Variants in INAVA observed in about 807,000 individuals in gnomAD.
INAVA encodes innate immunity activator.
INAVA carries 32 observed loss-of-function variants against 55.3 expected under a neutral mutation model. That is an observed-to-expected ratio of 0.58 (90% CI 0.44 to 0.78). The LOEUF (loss-of-function observed/expected upper bound fraction) is 0.78. Ranked by LOEUF, INAVA falls within the 30% of genes least tolerant of loss-of-function variation. INAVA has a pLI of 0.00. For missense variants in INAVA, 756 were observed against 786.4 expected, an observed-to-expected ratio of 0.96 and a Z score of 0.46; for synonymous variants, 294 against 329.4, an observed-to-expected ratio of 0.89 and a Z score of 1.16.
rs747467473 is a variant in INAVA at position 200,902,233 on chromosome 1, A to G, written c.520+1074A>G. Among the ~76,000 whole-genome samples the G allele has an allele frequency of 3.7e-4, 56 of 152,214 alleles. 1 individual carries two copies. Among genetic ancestry groups the G allele is most frequent in the Non-Finnish European group, 1.9e-4 (13 of 68,030 alleles). ...CAAGACTACTCCTCAGCCTGGGAGC[A>G]GTCATGGGGAAGCTGGAAAGCCCTT... On this transcript the variant is annotated intron_variant, in intron 5 of 9. Coordinates refer to ENST00000413687, the MANE Select transcript of INAVA (RefSeq NM_001142569.3).
intron 6 of INAVA, 81 bp downstream of exon 6, chr1:200,907,968 G>A (rs1409492445): frequency 4.8e-6 from 6 of 1,244,580 alleles, no homozygotes; most frequent in Middle Eastern, 2.6e-4. Flanking sequence ...TTGCTGGTGT[G>A]GAATTTAAGT....
chr1:200,900,842 C>G, intron 4 of INAVA, 95 bp from the exon 5 acceptor site: 4 of 917,940 alleles, frequency 4.4e-6, no homozygotes, highest in Non-Finnish European at 4.9e-6. Flanking sequence ...GGGCTTAGGA[C>G]TGGGACCTAG....
In INAVA at chr1:200,899,568, G is replaced by C. The variant is rs749602492; in HGVS notation, c.151G>C (p.Glu51Gln). 1 of 1,613,222 alleles carries C rather than the reference G, an allele frequency of 6.2e-7. No homozygotes were observed. The highest frequency in any genetic ancestry group is 8.5e-7 in the Non-Finnish European group (1 of 1,179,788). ...LEARLEACLE[E>Q]LRRLCLREAE... The stretch of plus-strand genomic sequence containing the variant: ...AGCGAGGCTGGAGGCCTGCCTGGAG[G>C]AGCTGAGGAGACTCTGCCTTCGGGA... Residue 51 changes from glutamate to glutamine, a missense_variant, in exon 3 of 10, where the codon GAG becomes CAG. Physicochemically the swap from Glu to Gln is conservative, Grantham distance 29. This residue lies in a region of INAVA where 639 missense variants were observed against 624.3 expected (regional missense o/e 1.02). Transcript: ENST00000413687.
At chr1:200,903,998 A>G (rs1040742477) in intron 5 of INAVA, among the ~76,000 whole-genome samples, 3 of 152,168 alleles carry the variant, frequency 2.0e-5, no homozygotes, top group Middle Eastern at 3.4e-3. Flanking sequence ...GAACCGCATG[A>G]GGGCCACCCA....
chr1:200,900,833 G>C, intron 4 of INAVA, 104 bp from the exon 5 acceptor site: 1 of 825,790 alleles, frequency 1.2e-6, no homozygotes, highest in Non-Finnish European at 1.9e-6. Context: ...CTGTCCTCAG[G>C]GCTTAGGACT....
chr1:200,907,943 T>C (rs1653563527), intron 6 of INAVA, 56 bp downstream of exon 6: 1 of 1,469,950 alleles, frequency 6.8e-7, no homozygotes, highest in Non-Finnish European at 9.5e-7. Context: ...TGCAAGACCA[T>C]GGGGTTTGGG....
chr1:200,913,516 C>T (rs1199440457), intron 9 of INAVA, 21 bp from the exon 10 acceptor site: 8 of 1,609,544 alleles, frequency 5.0e-6, no homozygotes, highest in Admixed American at 1.7e-5. Flanking sequence ...CCCACCTGTC[C>T]TTTCTTCCTG....
At position 200,894,925 on chromosome 1, in the gene INAVA, A is replaced by G; in HGVS notation, c.-257A>G. 2 of 985,806 alleles carry G rather than the reference A, an allele frequency of 2.0e-6. No individual in the cohort carries two copies. Among genetic ancestry groups the G allele is most frequent in the Non-Finnish European group, 2.4e-6 (2 of 830,194 alleles). The allele number at this position is 985,806 out of a possible 1,614,324, so 61.1% of individuals were successfully genotyped here. On this transcript the variant is annotated 5_prime_UTR_variant, in exon 1 of 10. Transcript: ENST00000413687. ...GGCAGCCTGGGAGGGACGGCAAGGT[A>G]GGCAGGTGAGCCGAGACGGACGGAC... is the stretch of plus-strand genomic sequence containing the variant.
At chr1:200,892,193 C>T (rs539638538), upstream of INAVA, among the ~76,000 whole-genome samples, 2 of 152,184 alleles carry the variant, frequency 1.3e-5, no homozygotes, top group Non-Finnish European at 2.9e-5. Flanking sequence ...CATCTCCTAC[C>T]CCTCTTGCCT....
Position 200,909,366 on chromosome 1 carries a change from C to A in INAVA, c.928C>A (p.Gln310Lys). 1 of 1,607,910 alleles carries A rather than the reference C, an allele frequency of 6.2e-7. No individual in the cohort carries two copies. The highest frequency in any genetic ancestry group is 8.5e-7 in the Non-Finnish European group (1 of 1,176,528). ...RTSAPATPEI[Q>K]GRRGQSQSLR... The stretch of plus-strand genomic sequence containing the variant: ...CAGTGCCCCAGCCACCCCTGAGATA[C>A]AGGGGAGGAGGGGCCAGTCGCAGTC... The change falls in exon 8 of 10, where the codon CAG becomes AAG. Residue 310 changes from glutamine to lysine, a missense_variant. Physicochemically the swap from Gln to Lys is moderately conservative, Grantham distance 53. This residue lies in a region of INAVA where 639 missense variants were observed against 624.3 expected (regional missense o/e 1.02). Coordinates refer to ENST00000413687, the MANE Select transcript of INAVA (RefSeq NM_001142569.3).
intron 3 of INAVA, 81 bp from the exon 4 acceptor site, chr1:200,900,023 G>A (rs889855323): frequency 8.5e-7 from 1 of 1,173,340 alleles, no homozygotes; most frequent in Admixed American, 2.2e-5. Context: ...TCTATGGAAG[G>A]CAGGCACATG....
At chr1:200,910,591 A>T (rs569088392) in intron 8 of INAVA, among the ~76,000 whole-genome samples, 6 of 152,142 alleles carry the variant, frequency 3.9e-5, no homozygotes, top group Non-Finnish European at 8.8e-5. Flanking sequence ...TAATTTTTAA[A>T]TTTTTTTTGA....
In INAVA at chr1:200,913,755, T is replaced by C. The variant is rs1315881815; in HGVS notation, c.*126T>C. On this transcript the variant is annotated 3_prime_UTR_variant, in exon 10 of 10. Transcript: ENST00000413687. Reference sequence around the variant, plus strand: ...CCGATGACCTGGAGCTGAGACCTTTTATTATTTTTTTTTTACACGACTTTT... The same window carrying C: ...CCGATGACCTGGAGCTGAGACCTTTCATTATTTTTTTTTTACACGACTTTT... 5.8e-6 allele frequency: 4 copies of C among 694,238 alleles called. No individual in the cohort carries two copies. Among genetic ancestry groups the C allele is most frequent in the Non-Finnish European group, 7.3e-6 (3 of 413,422 alleles). 43.0% of individuals were successfully genotyped at this position (694,238 alleles called of 1,614,324 possible).
In INAVA at chr1:200,898,161, C is replaced by T. The variant is rs577937244; in HGVS notation, c.-94-146C>T. 5.0e-5 allele frequency: 41 copies of T among 814,662 alleles called. No individual in the cohort carries two copies. The African/African-American group carries it at 7.0e-4, about 14-fold the overall frequency. 50.5% of individuals were successfully genotyped at this position (814,662 alleles called of 1,614,324 possible). A position where few individuals can be genotyped will look rare whatever the true frequency, so the allele number is the denominator to read the frequency against. ...ACAGCCCCTTCTCTAGGTCAGCACC[C>T]CCAGTGCCAGAATCTCCTGCCCCAG... On this transcript the variant is annotated intron_variant, in intron 1 of 9. Transcript: ENST00000413687.
At chr1:200,908,560 A>G in intron 6 of INAVA, 170 bp from the exon 7 acceptor site, 1 of 590,758 alleles carries the variant, frequency 1.7e-6, no homozygotes. Context: ...GTAAGTCCCA[A>G]AGGAGAAGAA....
chr1:200,899,546 G>C lies in INAVA; in HGVS notation c.129G>C (p.Ala43=), dbSNP rs201328970. The change falls in exon 3 of 10, where the codon GCG becomes GCC. Residue 43 remains alanine (A), a synonymous_variant. Transcript: ENST00000413687. ...ACAAGCAGCAGAGGGCCCTGGAAGC[G>C]AGGCTGGAGGCCTGCCTGGAGGAGC... is the stretch of plus-strand genomic sequence containing the variant. ...AVHKQQRALE[A]RLEACLEELR... is the part of the protein sequence containing the mutation. 1 of 1,613,626 alleles carries C rather than the reference G, an allele frequency of 6.2e-7. No homozygotes were observed. Among genetic ancestry groups the C allele is most frequent in the Admixed American group, 1.7e-5 (1 of 59,994 alleles).
At chr1:200,896,826 G>A (rs1190658117) in intron 1 of INAVA, among the ~76,000 whole-genome samples, 2 of 152,260 alleles carry the variant, frequency 1.3e-5, no homozygotes, top group Non-Finnish European at 2.9e-5. Context: ...CGTGTTGGCT[G>A]CCTGAGGAGG....
At chr1:200,894,244 C>T (rs894931515), upstream of INAVA, among the ~76,000 whole-genome samples, 4 of 152,060 alleles carry the variant, frequency 2.6e-5, no homozygotes, top group African/African-American at 9.7e-5. Context: ...CAGTGCCTGT[C>T]AGTGCCCCAT....
rs759383228 is a variant in INAVA, at chr1:200,911,975, G to A, written c.1482G>A (p.Gly494=). 3.3e-6 allele frequency: 5 copies of A among 1,530,992 alleles called. No individual in the cohort carries two copies. The highest frequency in any genetic ancestry group is 2.7e-5 in the African/African-American group (2 of 72,906). The allele number at this position is 1,530,992 out of a possible 1,614,324, so 94.8% of individuals were successfully genotyped here. A position where few individuals can be genotyped will look rare whatever the true frequency, so the allele number is the denominator to read the frequency against. Residue 494 remains glycine, a synonymous_variant, in exon 9 of 10, where the codon GGG becomes GGA. Transcript: ENST00000413687. The stretch of plus-strand genomic sequence containing the variant: ...TGAAGGACAGCCCGGCAGGCCGGGG[G>A]CTCAGCAAGGCCGCCGTGTCCGAGG... ...PSLKDSPAGR[G]LSKAAVSEEL...
Sources: allele counts gnomAD v4.1 joint callset (sites outside exome capture counted in the v4.1 genomes callset), GRCh38; gene constraint gnomAD v4.1.1; regional missense constraint gnomAD v4.1.1; transcripts MANE v1.5; gene names NCBI Gene and HGNC (gene_info 2026-07-23, HGNC 2026-07-21).